The following FOXP1 variants were observed in gnomAD, a reference collection of about 807,000 sequenced individuals.
FOXP1 encodes forkhead box protein P1.
In FOXP1, 15 loss-of-function variants were observed where a neutral mutation model predicts 98.2. The ratio of observed to expected loss-of-function variants is 0.15; its 90% confidence interval spans 0.10 to 0.24. The LOEUF (loss-of-function observed/expected upper bound fraction) is 0.24. Ranked by LOEUF, FOXP1 falls within the 10% of genes least tolerant of loss-of-function variation. The probability of loss-of-function intolerance (pLI) is 1.00; values close to 1 mark genes in which losing one functional copy is unlikely to be tolerated. For missense variants in FOXP1, 633 were observed against 848.5 expected, an observed-to-expected ratio of 0.75 and a Z score of 3.15; for synonymous variants, 371 against 314.5, an observed-to-expected ratio of 1.18 and a Z score of -1.90.
intron 3 of FOXP1, among the ~76,000 whole-genome samples, chr3:71,399,156 C>A (rs1476540718): frequency 6.6e-6 from 1 of 152,066 alleles, no homozygotes; most frequent in African/African-American, 2.4e-5. Flanking sequence ...AATTTAACAA[C>A]CATACGTGTG....
At chr3:70,960,455 G>A (rs115795802) in intron 20 of FOXP1, among the ~76,000 whole-genome samples, 5 of 152,132 alleles carry the variant, frequency 3.3e-5, no homozygotes, top group African/African-American at 9.7e-5. Context: ...AAAACCGCTC[G>A]GATAACTATT....
chr3:70,984,193 G>A (rs1208387422), intron 14 of FOXP1, among the ~76,000 whole-genome samples: 2 of 152,124 alleles, frequency 1.3e-5, no homozygotes, highest in Non-Finnish European at 2.9e-5. Context: ...ATACGTCCAC[G>A]CAGGGTCCAG....
In FOXP1 at chr3:71,407,439, G is replaced by C. The variant is rs193144433; in HGVS notation, c.-167-48195C>G. Among the ~76,000 whole-genome samples the C allele has an allele frequency of 1.2e-4, 19 of 152,262 alleles. No homozygotes were observed. The East Asian group carries it at 3.5e-3, about 28-fold the overall frequency. Reference sequence around the variant, plus strand: ...AATTAAACACATATGGCTCAAGCCAGAGTTACATTATGCACCATATTATGT... The same window carrying C: ...AATTAAACACATATGGCTCAAGCCACAGTTACATTATGCACCATATTATGT... On this transcript the variant is annotated intron_variant, in intron 3 of 20. Transcript: ENST00000649528.
At chr3:71,039,743 G>A (rs1184380433) in intron 11 of FOXP1, among the ~76,000 whole-genome samples, 1 of 149,854 alleles carries the variant, frequency 6.7e-6, no homozygotes, top group Admixed American at 6.6e-5. Context: ...TGCTCTCTAA[G>A]GTTTTCTTTC....
At chr3:71,319,050 A>G (rs918375791) in intron 4 of FOXP1, among the ~76,000 whole-genome samples, 1 of 152,224 alleles carries the variant, frequency 6.6e-6, no homozygotes, top group Non-Finnish European at 1.5e-5. Flanking sequence ...TCTGTTCCCT[A>G]TAGTTGTACT....
At chr3:71,058,248 G>C (rs1418548200) in intron 7 of FOXP1, among the ~76,000 whole-genome samples, 5 of 152,080 alleles carry the variant, frequency 3.3e-5, no homozygotes, top group Admixed American at 3.3e-4. Flanking sequence ...TCAACTACAA[G>C]TAAATACTAC....
chr3:71,510,888 T>G (rs2042159294), intron 2 of FOXP1, among the ~76,000 whole-genome samples: 2 of 152,336 alleles, frequency 1.3e-5, no homozygotes, highest in South Asian at 4.1e-4. Flanking sequence ...CTGAGTTTCT[T>G]GAACCACGGC....
At chr3:71,200,823 T>A (rs1368380999) in intron 5 of FOXP1, among the ~76,000 whole-genome samples, 1 of 152,198 alleles carries the variant, frequency 6.6e-6, no homozygotes, top group Non-Finnish European at 1.5e-5. Context: ...TTGCTAGAAA[T>A]TGGATGAAGT....
At chr3:71,126,360 G>T (rs2059176235) in intron 6 of FOXP1, among the ~76,000 whole-genome samples, 1 of 151,612 alleles carries the variant, frequency 6.6e-6, no homozygotes. Context: ...GTGGTGGCAG[G>T]CGCCTGTAGT....
At chr3:71,045,654 G>A (rs2048922171) in intron 10 of FOXP1, among the ~76,000 whole-genome samples, 1 of 152,126 alleles carries the variant, frequency 6.6e-6, no homozygotes, top group South Asian at 2.1e-4. Context: ...ATGGCAGAAA[G>A]GAGTGGAGGG....
At position 71,185,117 on chromosome 3, in the gene FOXP1, C is replaced by T. The variant is rs572279615; in HGVS notation, c.180+13085G>A. ...CTGAGGCACAAGAATTGCTTGAACA[C>T]GGGAGGCAGAGGTTGCAGTGAGCCG... On this transcript the variant is annotated intron_variant, in intron 6 of 20. Coordinates refer to ENST00000649528, the MANE Select transcript of FOXP1 (RefSeq NM_001349338.3). Among the ~76,000 whole-genome samples the T allele has an allele frequency of 3.2e-3, 494 of 152,014 alleles. 2 individuals carry two copies. Among genetic ancestry groups the T allele is most frequent in the Admixed American group, 5.4e-3 (83 of 15,256 alleles).
At chr3:71,264,759 C>A (rs2069480480) in intron 5 of FOXP1, among the ~76,000 whole-genome samples, 1 of 152,186 alleles carries the variant, frequency 6.6e-6, no homozygotes, top group South Asian at 2.1e-4. Flanking sequence ...CGATTGATAA[C>A]AGTCTTGTAT....
intron 2 of FOXP1, among the ~76,000 whole-genome samples, chr3:71,523,483 G>C (rs1337743331): frequency 1.3e-5 from 2 of 152,152 alleles, no homozygotes; most frequent in African/African-American, 4.8e-5. Context: ...TTCAGACTTA[G>C]ATAAAGAAGG....
intron 2 of FOXP1, among the ~76,000 whole-genome samples, chr3:71,527,827 T>C (rs1429794134): frequency 6.6e-6 from 1 of 152,264 alleles, no homozygotes; most frequent in Non-Finnish European, 1.5e-5. Context: ...GAATCAAAAA[T>C]TGCCCTTTTA....
At position 71,580,874 on chromosome 3, in the gene FOXP1, A is replaced by G. The variant is rs964719893; in HGVS notation, c.-298+675T>C. On this transcript the variant is annotated intron_variant, in intron 2 of 20. Transcript: ENST00000649528. ...CAGATGCCTTTCAAAGGGAATCCAG[A>G]ATGCTCCTCCGGCATTCCTGTTTAA... 1.1e-5 allele frequency: 11 copies of G among 985,318 alleles called. No homozygotes were observed. In the African/African-American group the frequency reaches 1.9e-4, roughly 17 times the overall value. 61.0% of individuals were successfully genotyped at this position (985,318 alleles called of 1,614,324 possible). A position where few individuals can be genotyped will look rare whatever the true frequency, so the allele number is the denominator to read the frequency against.
intron 3 of FOXP1, among the ~76,000 whole-genome samples, chr3:71,440,301 T>C (rs1334131594): frequency 1.3e-5 from 2 of 151,970 alleles, no homozygotes; most frequent in Non-Finnish European, 2.9e-5. Flanking sequence ...TGCAGTGGTT[T>C]ATGCCTGTAA....
intron 11 of FOXP1, among the ~76,000 whole-genome samples, chr3:71,028,513 CTT>C (rs1392838643): frequency 3.9e-5 from 6 of 152,122 alleles, no homozygotes. Flanking sequence ...GTAGCAGAAA[CTT>C]AAGTTTTCTC....
At chr3:71,295,102 G>A (rs1219783113) in intron 5 of FOXP1, among the ~76,000 whole-genome samples, 1 of 152,186 alleles carries the variant, frequency 6.6e-6, no homozygotes, top group East Asian at 1.9e-4. Flanking sequence ...TACTGTATGT[G>A]TGTACGGGGG....
intron 6 of FOXP1, among the ~76,000 whole-genome samples, chr3:71,141,752 A>G (rs1382027946): frequency 2.6e-5 from 4 of 152,192 alleles, no homozygotes; most frequent in African/African-American, 4.8e-5. Context: ...AGAAATAATT[A>G]GAGCCACTGT....
Sources: allele counts gnomAD v4.1 joint callset (sites outside exome capture counted in the v4.1 genomes callset), GRCh38; gene constraint gnomAD v4.1.1; transcripts MANE v1.5; gene names NCBI Gene and HGNC (gene_info 2026-07-23, HGNC 2026-07-21).